Variants in EIF3A observed in about 807,000 individuals in gnomAD.
The protein encoded by EIF3A is EIF3, p180 subunit.
EIF3A carries 21 observed loss-of-function variants against 186.6 expected under a neutral mutation model. That is an observed-to-expected ratio of 0.11 (90% CI 0.08 to 0.16). The LOEUF is 0.16. EIF3A is among the 10% of genes least tolerant of loss of function. The pLI is 1.00. For synonymous variants in EIF3A, 563 were observed against 584.3 expected, an observed-to-expected ratio of 0.96 and a Z score of 0.52; for missense variants, 1,306 against 1,796.3, an observed-to-expected ratio of 0.73 and a Z score of 4.93.
rs1843959362 is a variant in EIF3A, at chr10:119,065,570, T to C, written c.951A>G (p.Arg317=). The C allele has an allele frequency of 6.3e-7, 1 of 1,591,952 alleles. No homozygotes were observed. Among genetic ancestry groups the C allele is most frequent in the South Asian group, 1.1e-5 (1 of 89,654 alleles). The change falls in exon 7 of 22, where the codon AGA becomes AGG. Residue 317 remains arginine, a splice_region_variant and synonymous_variant. Coordinates refer to ENST00000369144, the MANE Select transcript of EIF3A (RefSeq NM_003750.4). ...RKNLTQDEMQ[R]MSTRVLLATL... is the part of the protein sequence containing the mutation. ...TGGCTAAAAGGACTCTAGTAGACAT[T>C]CTATGGAGAACAAAGTTTTAAATCT...
chr10:119,040,687 A>G (rs1848195767), intron 19 of EIF3A, among the ~76,000 whole-genome samples: 1 of 152,076 alleles, frequency 6.6e-6, no homozygotes, highest in Non-Finnish European at 1.5e-5. Context: ...CCTGGCCAAC[A>G]TGGTGAAACC....
chr10:119,039,965 G>A (rs1329896220), intron 19 of EIF3A, among the ~76,000 whole-genome samples: 8 of 152,168 alleles, frequency 5.3e-5, no homozygotes, highest in Admixed American at 5.2e-4. Flanking sequence ...CATGGCAACT[G>A]TATAAAATAT....
At chr10:119,076,554 T>C (rs1844177229) in intron 1 of EIF3A, among the ~76,000 whole-genome samples, 1 of 150,616 alleles carries the variant, frequency 6.6e-6, no homozygotes, top group South Asian at 2.1e-4. Context: ...GAAATAAGCC[T>C]TTCCTTGTTG....
chr10:119,066,501 CTGTCAAAAAAAA>C (rs1843981071), intron 6 of EIF3A, among the ~76,000 whole-genome samples: 2 of 43,690 alleles, frequency 4.6e-5, no homozygotes, highest in Non-Finnish European at 7.5e-5. Flanking sequence ...AGAGTTAAGA[CTGTCAAAAAAAA>C]AAAAAAAAAA....
rs569061574 is a variant in EIF3A at position 119,057,852 on chromosome 10, G to C, written c.1977+104C>G. 4.8e-4 allele frequency: 409 copies of C among 845,574 alleles called. 8 individuals are homozygous for C. The South Asian group carries it at 6.3e-3, about 13-fold the overall frequency. 52.4% of individuals were successfully genotyped at this position (845,574 alleles called of 1,614,324 possible). ...TAGTCATGACCAGCTGTACCAAAAT[G>C]CATGAAATAACCCAGTAAGCCAACA... is the stretch of plus-strand genomic sequence containing the variant. On this transcript the variant is annotated intron_variant, in intron 12 of 21. Coordinates refer to ENST00000369144, the MANE Select transcript of EIF3A (RefSeq NM_003750.4).
chr10:119,047,866 GGT>G (rs1848301569), intron 17 of EIF3A, among the ~76,000 whole-genome samples: 1 of 152,122 alleles, frequency 6.6e-6, no homozygotes. Context: ...ATTTGATACA[GGT>G]GTGGCAAAAA....
intron 20 of EIF3A, 175 bp downstream of exon 20, chr10:119,038,063 T>G (rs1302469228): frequency 1.7e-6 from 1 of 587,722 alleles, no homozygotes. Flanking sequence ...ATTACAGGCA[T>G]GCGCCACCAC....
At position 119,073,468 on chromosome 10, in the gene EIF3A, T is replaced by A; in HGVS notation, c.350A>T (p.Asp117Val). 6.2e-7 allele frequency: 1 copy of A among 1,607,838 alleles called. No homozygotes were observed. Among genetic ancestry groups the A allele is most frequent in the Non-Finnish European group, 8.5e-7 (1 of 1,174,878 alleles). Residue 117 changes from aspartate to valine, a missense_variant, in exon 3 of 22, where the codon GAT becomes GTT. Physicochemically the swap from Asp to Val is radical, Grantham distance 152 (BLOSUM62 -3). Transcript: ENST00000369144. The stretch of plus-strand genomic sequence containing the variant: ...CTCAGGAGTTTGAATATTATCTAGA[T>A]CCTCTATATCTAAGACCATCTGCTG... ...ESQQMVLDIE[D>V]LDNIQTPESV...
At chr10:119,037,457 G>A (rs74157620) in intron 20 of EIF3A, 148 bp from the exon 21 acceptor site, 24,263 of 669,000 alleles carry the variant, frequency 0.036, 974 homozygotes, top group African/African-American at 0.16. Context: ...TGCCTGGGGC[G>A]TGGAGAACAA....
Position 119,041,005 on chromosome 10 carries a change from CAAAAAAAAA to C in EIF3A, c.3526+980_3526+988del, listed in dbSNP as rs34452005. On this transcript the variant is annotated intron_variant, in intron 19 of 21. Transcript: ENST00000369144. Reference sequence around the variant, plus strand: ...AGATGACAGAGCGAGACTCCGTCTCCAAAAAAAAAAAAAAAAAAAAAAATTAGCCATGCA... The same window carrying C: ...AGATGACAGAGCGAGACTCCGTCTCCAAAAAAAAAAAAAATTAGCCATGCA... Among the ~76,000 whole-genome samples the C allele has an allele frequency of 1.0e-4, 8 of 78,708 alleles. 1 individual carries two copies. The South Asian group carries it at 1.8e-3, about 18-fold the overall frequency. 51.6% of individuals were successfully genotyped at this position (78,708 alleles called of 152,430 possible).
rs755172235 is a variant in EIF3A, at chr10:119,060,758, G to C, written c.1314C>G (p.Arg438=). 96 of 1,606,040 alleles carry C rather than the reference G, an allele frequency of 6.0e-5. No homozygotes were observed. The highest frequency in any genetic ancestry group is 7.6e-5 in the Non-Finnish European group (90 of 1,177,156). The part of the protein sequence containing the change: ...VPQLQNNTIL[R]LLQQVSQIYQ... ...TTTTTATTTTTACCTGCTGCAGAAG[G>C]CGGAGGATGGTGTTGTTTTGCAGTT... Residue 438 remains arginine, a synonymous_variant, in exon 9 of 22, where the codon CGC becomes CGG. Transcript: ENST00000369144.
chr10:119,066,698 C>T (rs1843986832), intron 6 of EIF3A, among the ~76,000 whole-genome samples: 2 of 151,924 alleles, frequency 1.3e-5, no homozygotes, highest in African/African-American at 4.8e-5. Context: ...ATGGCAGGAC[C>T]CCAAAGACTG....
intron 1 of EIF3A, among the ~76,000 whole-genome samples, chr10:119,074,621 T>C (rs1844129822): frequency 1.3e-5 from 2 of 151,868 alleles, no homozygotes; most frequent in South Asian, 2.1e-4. Context: ...AAAAATTCTT[T>C]TTTTTTTTAA....
chr10:119,051,698 T>C (rs1010141642), intron 14 of EIF3A, among the ~76,000 whole-genome samples: 14 of 152,176 alleles, frequency 9.2e-5, no homozygotes, highest in Non-Finnish European at 1.2e-4. Flanking sequence ...CCGATGCATA[T>C]AGAAGTTTGC....
At position 119,037,143 on chromosome 10, in the gene EIF3A, G is replaced by C; in HGVS notation, c.3895C>G (p.Pro1299Ala). 1 of 1,611,648 alleles carries C rather than the reference G, an allele frequency of 6.2e-7. No homozygotes were observed. Among genetic ancestry groups the C allele is most frequent in the Non-Finnish European group, 8.5e-7 (1 of 1,179,312 alleles). Residue 1299 changes from proline to alanine, a missense_variant, in exon 21 of 22, where the codon CCA becomes GCA. Pro to Ala is a conservative substitution (Grantham distance 27). Around this residue, in one of 8 missense-constraint regions of EIF3A, gnomAD observed 331 missense variants for 365.8 expected, o/e 0.90. Coordinates refer to ENST00000369144, the MANE Select transcript of EIF3A (RefSeq NM_003750.4). ...CCTTCTTCACGTTCTGATCTGAGTG[G>C]AGGTCCTCTTCGGTCCCTGTCGTCT... ...LRDDRDRRGP[P>A]LRSEREEVSS...
At chr10:119,078,325 A>G (rs1337762444) in intron 1 of EIF3A, among the ~76,000 whole-genome samples, 3 of 152,162 alleles carry the variant, frequency 2.0e-5, no homozygotes, top group East Asian at 3.8e-4. Context: ...AATGACTACT[A>G]TAATTTTTCC....
intron 7 of EIF3A, among the ~76,000 whole-genome samples, chr10:119,065,128 C>T (rs1306228890): frequency 6.6e-6 from 1 of 152,110 alleles, no homozygotes; most frequent in African/African-American, 2.4e-5. Flanking sequence ...TCTTCTTGCC[C>T]ATCATTACTT....
rs1290598276 is a variant in EIF3A at position 119,079,125 on chromosome 10, A to G, written c.49+1503T>C. ...TTTATAGTGACAAAGTTCCATTTCAATCTCTTCTTTCCGATGTATTAATAA... is the reference window on the plus strand; with the variant it reads ...TTTATAGTGACAAAGTTCCATTTCAGTCTCTTCTTTCCGATGTATTAATAA... On this transcript the variant is annotated intron_variant, in intron 1 of 21. Coordinates refer to ENST00000369144, the MANE Select transcript of EIF3A (RefSeq NM_003750.4). Among the ~76,000 whole-genome samples the G allele has an allele frequency of 3.3e-5, 5 of 152,298 alleles. No individual in the cohort carries two copies. In the East Asian group the frequency reaches 9.6e-4, roughly 29 times the overall value.
intron 6 of EIF3A, 73 bp downstream of exon 6, chr10:119,069,372 TA>T: frequency 5.0e-6 from 4 of 804,210 alleles, no homozygotes; most frequent in Non-Finnish European, 8.4e-6. Flanking sequence ...AACCATGGCC[TA>T]AAATATACCA....
Sources: gnomAD v4.1 joint callset for allele counts (sites outside exome capture counted in the v4.1 genomes callset) on GRCh38, gnomAD v4.1.1 for gene constraint, gnomAD v4.1.1 regional missense constraint, MANE v1.5 for transcripts, NCBI Gene and HGNC (gene_info 2026-07-23, HGNC 2026-07-21) for gene names.